Variants in HIVEP1 observed in about 807,000 individuals in gnomAD.
The protein encoded by HIVEP1 is HIVEP zinc finger 1, also known as zinc finger protein 40.
In HIVEP1, 36 loss-of-function variants were observed where a neutral mutation model predicts 180.0. That is an observed-to-expected ratio of 0.20 (90% CI 0.15 to 0.26). HIVEP1 has a LOEUF of 0.26. HIVEP1 is among the 10% of genes least tolerant of loss of function. HIVEP1 has a pLI of 1.00. For missense variants in HIVEP1, 3,143 were observed against 3,268.7 expected (o/e 0.96, Z 0.94); for synonymous variants, 1,239 against 1,239.0 (o/e 1.00, Z 0.00).
At chr6:12,091,149 T>C (rs984980623) in intron 3 of HIVEP1, among the ~76,000 whole-genome samples, 60 of 152,288 alleles carry the variant, frequency 3.9e-4, no homozygotes, top group African/African-American at 1.3e-3. Flanking sequence ...AACAGTGGTG[T>C]TGAGATTTTT....
intron 3 of HIVEP1, among the ~76,000 whole-genome samples, chr6:12,105,522 A>G (rs1468903742): frequency 6.6e-6 from 1 of 152,084 alleles, no homozygotes; most frequent in African/African-American, 2.4e-5. Context: ...TCATGTTTAT[A>G]TTTTGTCTAG....
intron 2 of HIVEP1, among the ~76,000 whole-genome samples, chr6:12,065,447 T>A (rs1015690496): frequency 2.6e-5 from 4 of 152,202 alleles, no homozygotes; most frequent in African/African-American, 9.6e-5. Context: ...ACATGAAAGA[T>A]GAGAAGTTGC....
At chr6:12,199,525 C>G in the HIVEP1 span, among the ~76,000 whole-genome samples, 1 of 152,016 alleles carries the variant, frequency 6.6e-6, no homozygotes, top group Non-Finnish European at 1.5e-5. Context: ...CCATGCCCGG[C>G]TAATTTTGTA....
intron 1 of HIVEP1, among the ~76,000 whole-genome samples, chr6:12,013,114 G>T (rs1042690196): frequency 4.6e-5 from 7 of 152,134 alleles, no homozygotes; most frequent in African/African-American, 1.7e-4. Context: ...CGGCGAGGAG[G>T]AGTCTCAGGG....
intron 1 of HIVEP1, among the ~76,000 whole-genome samples, chr6:12,013,295 A>G (rs1343260649): frequency 6.6e-6 from 1 of 152,068 alleles, no homozygotes; most frequent in African/African-American, 2.4e-5. Flanking sequence ...ACATTCATTC[A>G]TGTTTTTTCT....
the HIVEP1 span, among the ~76,000 whole-genome samples, chr6:12,195,593 G>A: frequency 6.6e-6 from 1 of 152,126 alleles, no homozygotes; most frequent in African/African-American, 2.4e-5. Flanking sequence ...TAAAACTGAG[G>A]CCTAAGAGGA....
chr6:12,184,528 G>T, the HIVEP1 span, among the ~76,000 whole-genome samples: 1 of 152,054 alleles, frequency 6.6e-6, no homozygotes, highest in Non-Finnish European at 1.5e-5. Flanking sequence ...ATCCCATTTG[G>T]GCAGACCATG....
Position 12,125,368 on chromosome 6 carries a change from T to C in HIVEP1, c.5573T>C (p.Phe1858Ser). 1.2e-6 allele frequency: 2 copies of C among 1,614,148 alleles called. No homozygotes were observed. The highest frequency in any genetic ancestry group is 4.5e-5 in the East Asian group (2 of 44,882). ...GAACCTATAAGTGAATTGCAGGAATTTGAAAACATCAAGTCATCCACATCA... is the reference window on the plus strand; with the variant it reads ...GAACCTATAAGTGAATTGCAGGAATCTGAAAACATCAAGTCATCCACATCA... ...VIEPISELQE[F>S]ENIKSSTSLT... Residue 1858 changes from phenylalanine to serine, a missense_variant, in exon 4 of 9, where the codon TTT becomes TCT. Phe to Ser is a radical substitution (Grantham distance 155). Coordinates refer to ENST00000379388, the MANE Select transcript of HIVEP1 (RefSeq NM_002114.4).
intron 2 of HIVEP1, among the ~76,000 whole-genome samples, chr6:12,068,593 C>G (rs1223010728): frequency 6.6e-6 from 1 of 152,080 alleles, no homozygotes; most frequent in Non-Finnish European, 1.5e-5. Context: ...ACTTAAGAAT[C>G]TGACAGTATG....
the HIVEP1 span, among the ~76,000 whole-genome samples, chr6:12,211,348 C>T: frequency 3.8e-5 from 4 of 104,478 alleles, no homozygotes; most frequent in Non-Finnish European, 7.5e-5. Flanking sequence ...TGCAGTGAGC[C>T]GAGATCGCGC....
At chr6:12,036,827 G>A (rs1042292045) in intron 2 of HIVEP1, among the ~76,000 whole-genome samples, 1 of 152,238 alleles carries the variant, frequency 6.6e-6, no homozygotes, top group Non-Finnish European at 1.5e-5. Flanking sequence ...AGAAGTGCTT[G>A]AACCCGGGAG....
the HIVEP1 span, among the ~76,000 whole-genome samples, chr6:12,180,965 T>C: frequency 6.6e-6 from 1 of 152,238 alleles, no homozygotes; most frequent in African/African-American, 2.4e-5. Flanking sequence ...GTCAGTTTCA[T>C]AGGTCAACAA....
At chr6:12,150,223 T>C (rs1759624260) in intron 7 of HIVEP1, among the ~76,000 whole-genome samples, 1 of 152,226 alleles carries the variant, frequency 6.6e-6, no homozygotes, top group African/African-American at 2.4e-5. Context: ...CTCCTGTTCT[T>C]GGGGTATTAG....
chr6:12,113,102 T>C (rs1280291057), intron 3 of HIVEP1, among the ~76,000 whole-genome samples: 1 of 151,806 alleles, frequency 6.6e-6, no homozygotes, highest in Non-Finnish European at 1.5e-5. Context: ...TGTGAGCACC[T>C]GGTGCGGGCC....
chr6:12,136,030 T>G, intron 7 of HIVEP1, 138 bp downstream of exon 7: 1 of 520,976 alleles, frequency 1.9e-6, no homozygotes, highest in Non-Finnish European at 3.4e-6. Context: ...GACTCCTAAT[T>G]AGTTTTTCCA....
chr6:12,033,082 G>GT (rs1769059960), intron 2 of HIVEP1, among the ~76,000 whole-genome samples: 1 of 152,200 alleles, frequency 6.6e-6, no homozygotes, highest in Non-Finnish European at 1.5e-5. Flanking sequence ...CAACCATTCT[G>GT]TTTTTCACTT....
At chr6:12,021,046 A>G (rs912886449) in intron 2 of HIVEP1, among the ~76,000 whole-genome samples, 9 of 151,828 alleles carry the variant, frequency 5.9e-5, no homozygotes, top group Non-Finnish European at 1.2e-4. Context: ...GCCTGCCACC[A>G]CGCACAGCTA....
At chr6:12,114,940 G>A (rs1027071961) in intron 3 of HIVEP1, among the ~76,000 whole-genome samples, 1 of 152,096 alleles carries the variant, frequency 6.6e-6, no homozygotes, top group Non-Finnish European at 1.5e-5. Context: ...TAGAAAACAG[G>A]TACTACTTAT....
At chr6:12,028,137 C>G (rs192743717) in intron 2 of HIVEP1, among the ~76,000 whole-genome samples, 2 of 151,564 alleles carry the variant, frequency 1.3e-5, no homozygotes, top group East Asian at 3.9e-4. Flanking sequence ...GTATGAGAAT[C>G]GGTAACTGTT....
Sources: allele counts gnomAD v4.1 joint callset (sites outside exome capture counted in the v4.1 genomes callset), GRCh38; gene constraint gnomAD v4.1.1; transcripts MANE v1.5; gene names NCBI Gene and HGNC (gene_info 2026-07-23, HGNC 2026-07-21).